Variants in MID1 observed in about 807,000 individuals in gnomAD.
The protein encoded by MID1 is midline 1.
Under a neutral mutation model 40.4 loss-of-function variants are expected in MID1, and 7 were observed. The observed-to-expected ratio is 0.17, with a 90% CI of 0.10 to 0.33. The LOEUF is 0.33. Among genes scored for constraint, MID1 ranks in the 10% least tolerant of loss-of-function variants. MID1 has a pLI of 1.00. For missense variants in MID1, 367 were observed against 558.5 expected (o/e 0.66, Z 3.46); for synonymous variants, 229 against 221.2 (o/e 1.04, Z -0.31).
chrX:10,629,650 G>A (rs1161068500), intron 1 of MID1, among the ~76,000 whole-genome samples: 1 of 112,406 alleles, frequency 8.9e-6, no homozygotes. Flanking sequence ...CTATGCAGAG[G>A]AGGATTTGGA....
At chrX:10,788,961 T>C (rs1915572614) in intron 1 of MID1, among the ~76,000 whole-genome samples, 1 of 111,453 alleles carries the variant, frequency 9.0e-6, no homozygotes, top group Non-Finnish European at 1.9e-5. Context: ...TGAAACCTTG[T>C]CTCTACCAAA....
At chrX:10,765,893 AAAAGAAAGAAAGAAAAAG>A (rs1024326168) in intron 1 of MID1, among the ~76,000 whole-genome samples, 1 of 106,614 alleles carries the variant, frequency 9.4e-6, no homozygotes, top group African/African-American at 3.5e-5. Flanking sequence ...AGAAAGAAAG[AAAAGAAAGAAAGAAAAAG>A]AAAGAAAGAA....
intron 1 of MID1, among the ~76,000 whole-genome samples, chrX:10,710,604 C>T (rs2017541863): frequency 1.8e-5 from 2 of 110,527 alleles, no homozygotes; most frequent in South Asian, 3.9e-4. Context: ...TCCAGCCAGG[C>T]CACTCTTACT....
At chrX:10,590,861 T>C (rs1443559258) in intron 1 of MID1, among the ~76,000 whole-genome samples, 1 of 112,224 alleles carries the variant, frequency 8.9e-6, no homozygotes, top group Non-Finnish European at 1.9e-5. Flanking sequence ...CCAAGGGAGT[T>C]GACTTAAGAG....
At chrX:10,492,240 ATGT>A (rs756784798) in intron 4 of MID1, among the ~76,000 whole-genome samples, 2 of 111,652 alleles carry the variant, frequency 1.8e-5, no homozygotes, top group Non-Finnish European at 3.8e-5. Flanking sequence ...GGGTAAGATA[ATGT>A]TGTCTGCTGA....
chrX:10,532,280 C>T (rs1307569762), intron 2 of MID1, among the ~76,000 whole-genome samples: 3 of 112,196 alleles, frequency 2.7e-5, no homozygotes, highest in African/African-American at 9.7e-5. Flanking sequence ...TGCTTTAAAC[C>T]AGGAGTTCAA....
chrX:10,453,849 T>C (rs1928493207), intron 9 of MID1, among the ~76,000 whole-genome samples: 2 of 112,092 alleles, frequency 1.8e-5, no homozygotes, highest in Non-Finnish European at 1.9e-5. Flanking sequence ...AACCCTGTGA[T>C]CTTCAGCATA....
chrX:10,519,742 T>A (rs1029199246), intron 3 of MID1, among the ~76,000 whole-genome samples: 1 of 111,891 alleles, frequency 8.9e-6, no homozygotes, highest in Admixed American at 9.5e-5. Context: ...CTGGAGTAGA[T>A]GGCTTAGGTA....
At chrX:10,545,374 G>A (rs1434360021) in intron 2 of MID1, among the ~76,000 whole-genome samples, 6 of 111,968 alleles carry the variant, frequency 5.4e-5, no homozygotes, top group East Asian at 5.6e-4. Context: ...AGAACATTAC[G>A]GGAAATTTCG....
At chrX:10,736,801 G>T (rs947640999) in intron 1 of MID1, among the ~76,000 whole-genome samples, 3 of 112,089 alleles carry the variant, frequency 2.7e-5, no homozygotes, top group Non-Finnish European at 3.8e-5. Flanking sequence ...CCAAGAGGTG[G>T]CACAGTATCT....
At chrX:10,718,328 G>A (rs1481873722) in intron 1 of MID1, among the ~76,000 whole-genome samples, 2 of 111,434 alleles carry the variant, frequency 1.8e-5, no homozygotes, top group African/African-American at 6.5e-5. Flanking sequence ...AAAGAGAGAA[G>A]AATCAAATAG....
At chrX:10,532,071 A>T (rs1208394349) in intron 2 of MID1, among the ~76,000 whole-genome samples, 2 of 112,457 alleles carry the variant, frequency 1.8e-5, no homozygotes, top group Non-Finnish European at 3.8e-5. Context: ...TAAGACTATA[A>T]CACAGCTAGA....
intron 1 of MID1, among the ~76,000 whole-genome samples, chrX:10,672,816 T>A (rs1180357661): frequency 9.0e-6 from 1 of 110,821 alleles, no homozygotes; most frequent in African/African-American, 3.3e-5. Flanking sequence ...TCCCAAGTAG[T>A]TGGGACCACA....
intron 1 of MID1, among the ~76,000 whole-genome samples, chrX:10,571,618 G>A (rs1403707937): frequency 2.7e-5 from 3 of 109,595 alleles, no homozygotes; most frequent in African/African-American, 1.0e-4. Flanking sequence ...TTCCGAGAGA[G>A]AAAATATGAA....
intron 2 of MID1, among the ~76,000 whole-genome samples, chrX:10,561,360 T>C (rs1934331854): frequency 1.9e-5 from 2 of 106,490 alleles, no homozygotes; most frequent in South Asian, 7.6e-4. Flanking sequence ...AAGCCAAAAT[T>C]GACAAATGGG....
intron 1 of MID1, among the ~76,000 whole-genome samples, chrX:10,613,270 A>C (rs1209832725): frequency 9.0e-6 from 1 of 111,356 alleles, no homozygotes; most frequent in Non-Finnish European, 1.9e-5. Context: ...TTGTTTCCAT[A>C]AACTATTAAA....
chrX:10,714,860 T>A (rs751818446), intron 1 of MID1, among the ~76,000 whole-genome samples: 2 of 112,201 alleles, frequency 1.8e-5, no homozygotes, highest in East Asian at 5.6e-4. Context: ...AGTGACAATA[T>A]GTAGAATGCC....
intron 1 of MID1, among the ~76,000 whole-genome samples, chrX:10,801,865 A>G (rs1433381201): frequency 8.9e-6 from 1 of 112,259 alleles, no homozygotes; most frequent in Non-Finnish European, 1.9e-5. Context: ...TAATTAAACT[A>G]AAGAGCTTCT....
intron 1 of MID1, among the ~76,000 whole-genome samples, chrX:10,808,049 T>C (rs756879592): frequency 8.9e-6 from 1 of 112,587 alleles, no homozygotes; most frequent in East Asian, 2.8e-4. Context: ...AAGAAATGCT[T>C]ATACACGCAT....
Sources: gnomAD v4.1 joint callset for allele counts (sites outside exome capture counted in the v4.1 genomes callset) on GRCh38, gnomAD v4.1.1 for gene constraint, MANE v1.5 for transcripts, NCBI Gene and HGNC (gene_info 2026-07-23, HGNC 2026-07-21) for gene names.